The following PLA2R1 variants were observed in gnomAD, a reference collection of about 807,000 sequenced individuals.
The protein encoded by PLA2R1 is secretory phospholipase A2 receptor.
PLA2R1 carries 158 observed loss-of-function variants against 195.9 expected under a neutral mutation model. The observed-to-expected ratio is 0.81, with a 90% confidence interval of 0.71 to 0.92. The LOEUF is 0.92. Among genes scored for constraint, PLA2R1 ranks in the 40% least tolerant of loss-of-function variants. The probability of loss-of-function intolerance (pLI) is 0.00; values close to 1 mark genes in which losing one functional copy is unlikely to be tolerated. For synonymous variants in PLA2R1, 586 were observed against 598.2 expected, an observed-to-expected ratio of 0.98 and a Z score of 0.30; for missense variants, 1,626 against 1,764.6, an observed-to-expected ratio of 0.92 and a Z score of 1.41.
chr2:160,028,801 G>C, intron 5 of PLA2R1, 49 bp downstream of exon 5: 1 of 1,030,582 alleles, frequency 9.7e-7, no homozygotes, highest in East Asian at 2.4e-5. Flanking sequence ...GCTGTGTAAG[G>C]GTGCAAGATG....
Position 159,950,025 on chromosome 2 carries a change from G to A in PLA2R1, c.3541-249C>T, listed in dbSNP as rs74694005. 8.3e-3 allele frequency among the ~76,000 whole-genome samples: 1,271 copies of A among 152,234 alleles called. 12 individuals carry two copies. The highest frequency in any genetic ancestry group is 0.028 in the African/African-American group (1,170 of 41,528). On this transcript the variant is annotated intron_variant, in intron 24 of 29. Transcript: ENST00000283243. ...TCTAGTGAGCAATCGGCGTGAAATTGGACCAGTACCTTGTCTTTTACAGTG... is the reference window on the plus strand; with the variant it reads ...TCTAGTGAGCAATCGGCGTGAAATTAGACCAGTACCTTGTCTTTTACAGTG...
At position 160,028,294 on chromosome 2, in the gene PLA2R1, C is replaced by A; in HGVS notation, c.1023G>T (p.Trp341Cys). Residue 341 changes from tryptophan to cysteine, a missense_variant, in exon 6 of 30, where the codon TGG becomes TGT. By Grantham distance (215) the Trp-to-Cys change is radical. Transcript: ENST00000283243. Reference sequence around the variant, plus strand: ...AGGTGGACTCACAATCCCGACTCCTCCAGGCACTTGGCATAAATGAACTAA... The same window carrying A: ...AGGTGGACTCACAATCCCGACTCCTACAGGCACTTGGCATAAATGAACTAA... Reference protein sequence around the residue: ...GTFSSFMPSAWRSRDCESTLP... With the variant: ...GTFSSFMPSACRSRDCESTLP... The A allele has an allele frequency of 6.2e-7, 1 of 1,605,478 alleles. No homozygotes were observed. The highest frequency in any genetic ancestry group is 8.5e-7 in the Non-Finnish European group (1 of 1,172,832).
rs1243444015 is a variant in PLA2R1, at chr2:160,017,884, C to T, written c.1453-1172G>A. ...TTCATCTGTAAGAGGAGCCCTGCAT[C>T]GCTCCCCCATGGAGTCTTCCAGCAA... On this transcript the variant is annotated intron_variant, in intron 8 of 29. Transcript: ENST00000283243. 2.6e-5 allele frequency among the ~76,000 whole-genome samples: 4 copies of T among 152,122 alleles called. No homozygotes were observed. The South Asian group carries it at 6.2e-4, about 24-fold the overall frequency.
At chr2:159,986,298 T>C (rs567529703) in intron 12 of PLA2R1, among the ~76,000 whole-genome samples, 2 of 152,296 alleles carry the variant, frequency 1.3e-5, no homozygotes, top group South Asian at 2.1e-4. Flanking sequence ...GTAAGTGCGA[T>C]GCAAATATTA....
In PLA2R1 at chr2:159,979,885, A is replaced by T; in HGVS notation, c.2213T>A (p.Phe738Tyr). Residue 738 changes from phenylalanine (F) to tyrosine (Y), a missense_variant, in exon 14 of 30, where the codon TTT becomes TAT. Transcript: ENST00000283243. ...WTEERQFWIG[F>Y]NKRNPLNAGS... The stretch of plus-strand genomic sequence containing the variant: ...GGCATTCAGTGGGTTTCTTTTATTA[A>T]ATCCAATCCAGAACTGCCTTTCTTC... The T allele has an allele frequency of 6.2e-7, 1 of 1,607,388 alleles. No individual in the cohort carries two copies. The highest frequency in any genetic ancestry group is 8.5e-7 in the Non-Finnish European group (1 of 1,174,302).
intron 6 of PLA2R1, among the ~76,000 whole-genome samples, chr2:160,027,066 G>T (rs947076880): frequency 1.3e-5 from 2 of 152,318 alleles, no homozygotes; most frequent in Non-Finnish European, 2.9e-5. Context: ...GGAGGCGGAG[G>T]TTGCAGTGAG....
At chr2:159,952,750 C>T (rs1402886006) in intron 23 of PLA2R1, among the ~76,000 whole-genome samples, 1 of 152,192 alleles carries the variant, frequency 6.6e-6, no homozygotes, top group Non-Finnish European at 1.5e-5. Context: ...TGTATGGAGA[C>T]ACAGAAAGCA....
chr2:159,929,663 G>A (rs189485624), downstream of PLA2R1, among the ~76,000 whole-genome samples: 357 of 152,162 alleles, frequency 2.3e-3, 5 homozygotes, highest in Admixed American at 0.021. Flanking sequence ...TCTACCCAGA[G>A]GAAAAGATGA....
rs56240008 is a variant in PLA2R1 at position 159,935,945 on chromosome 2, A to ATTTTTTTTTTTTTTTTTTTTTTTTTTT, written c.*5832_*5833insAAAAAAAAAAAAAAAAAAAAAAAAAAA. ...GCAGTAAAAATATGTATATAAATTA[A>ATTTTTTTTTTTTTTTTTTTTTTTTTTT]TTTTTTTTTTTTTTTTTTTTTTTTG... On this transcript the variant is annotated 3_prime_UTR_variant, in exon 30 of 30. Transcript: ENST00000283243. 3.5e-4 allele frequency: 37 copies of ATTTTTTTTTTTTTTTTTTTTTTTTTTT among 107,210 alleles called. 2 individuals are homozygous for ATTTTTTTTTTTTTTTTTTTTTTTTTTT. The highest frequency in any genetic ancestry group is 8.7e-4 in the South Asian group (2 of 2,306). The allele number at this position is 107,210 out of a possible 1,614,324, so 6.6% of individuals were successfully genotyped here.
chr2:160,012,928 AT>A (rs759524390), intron 10 of PLA2R1, among the ~76,000 whole-genome samples: 22 of 152,314 alleles, frequency 1.4e-4, no homozygotes, highest in Non-Finnish European at 3.1e-4. Context: ...ATGAAAAAAA[AT>A]AAAATAAAAA....
At chr2:159,986,082 T>C (rs778901183) in intron 12 of PLA2R1, among the ~76,000 whole-genome samples, 3 of 152,094 alleles carry the variant, frequency 2.0e-5, no homozygotes, top group South Asian at 2.1e-4. Flanking sequence ...TTCCTGAGCC[T>C]TGGGGGAATG....
Position 160,062,540 on chromosome 2 carries a change from G to A in PLA2R1, c.-137C>T. ...CTCCTCCGCGCCCCACCCCCTCCGG[G>A]GGCCTTGCCAGCCCAGAGCCCTGGA... On this transcript the variant is annotated 5_prime_UTR_variant, in exon 1 of 30. Transcript: ENST00000283243. The A allele has an allele frequency of 1.4e-6, 2 of 1,380,826 alleles. No individual in the cohort carries two copies. Among genetic ancestry groups the A allele is most frequent in the Non-Finnish European group, 1.9e-6 (2 of 1,071,126 alleles). The allele number at this position is 1,380,826 out of a possible 1,614,324, so 85.5% of individuals were successfully genotyped here.
At chr2:159,949,237 G>A (rs1687575164) in intron 25 of PLA2R1, among the ~76,000 whole-genome samples, 1 of 151,916 alleles carries the variant, frequency 6.6e-6, no homozygotes, top group Non-Finnish European at 1.5e-5. Context: ...TCTTACGTAA[G>A]CCTCGTCCTG....
At chr2:160,039,449 A>C (rs1694386221) in intron 3 of PLA2R1, among the ~76,000 whole-genome samples, 1 of 152,178 alleles carries the variant, frequency 6.6e-6, no homozygotes, top group Non-Finnish European at 1.5e-5. Context: ...TGAATACTAC[A>C]TTTAAATTTT....
Position 159,979,829 on chromosome 2 carries a change from C to T in PLA2R1, c.2268+1G>A, listed in dbSNP as rs1174049177. The T allele has an allele frequency of 5.8e-6, 9 of 1,560,282 alleles. No homozygotes were observed. The highest frequency in any genetic ancestry group is 5.0e-5 in the Admixed American group (3 of 59,542). On this transcript the variant is annotated splice_donor_variant, in intron 14 of 29. Transcript: ENST00000283243. LOFTEE classifies it high-confidence loss of function. The stretch of plus-strand genomic sequence containing the variant: ...CTTTTCTCCAGTTTGAAAAGACTTA[C>T]AGGAGTTCTATCAGACCACTCCCAT...
chr2:160,010,406 T>TC (rs1424019566), intron 10 of PLA2R1, among the ~76,000 whole-genome samples: 1 of 152,184 alleles, frequency 6.6e-6, no homozygotes, highest in African/African-American at 2.4e-5. Context: ...CTGTTTTTCT[T>TC]CCCCTCTCTA....
At chr2:160,030,853 T>C (rs1206299978) in intron 4 of PLA2R1, among the ~76,000 whole-genome samples, 1 of 152,216 alleles carries the variant, frequency 6.6e-6, no homozygotes, top group African/African-American at 2.4e-5. Flanking sequence ...AGACTAATTA[T>C]AGAACTGAGG....
rs1694768389 is a variant in PLA2R1, at chr2:160,044,975, C to G, written c.292G>C (p.Glu98Gln). The G allele has an allele frequency of 1.9e-6, 3 of 1,613,976 alleles. No homozygotes were observed. The highest frequency in any genetic ancestry group is 1.7e-5 in the Admixed American group (1 of 60,006). Reference protein sequence around the residue: ...GCLGLNFSAPEQPLSLYECDS... With the variant: ...GCLGLNFSAPQQPLSLYECDS... ...CATTCATATAAGCTTAATGGCTGCTCTGGGGCGGAGAAATTCAGGCCCAGG... is the reference window on the plus strand; with the variant it reads ...CATTCATATAAGCTTAATGGCTGCTGTGGGGCGGAGAAATTCAGGCCCAGG... Residue 98 changes from glutamate to glutamine, a missense_variant, in exon 2 of 30, where the codon GAG becomes CAG. Glu to Gln is a conservative substitution (Grantham distance 29). Coordinates refer to ENST00000283243, the MANE Select transcript of PLA2R1 (RefSeq NM_007366.5).
chr2:160,040,069 G>A (rs1472819340), intron 3 of PLA2R1, among the ~76,000 whole-genome samples: 1 of 152,010 alleles, frequency 6.6e-6, no homozygotes, highest in African/African-American at 2.4e-5. Flanking sequence ...GGAAAAAGAA[G>A]AGATGATGCA....
Sources: allele counts gnomAD v4.1 joint callset (sites outside exome capture counted in the v4.1 genomes callset), GRCh38; gene constraint gnomAD v4.1.1; transcripts MANE v1.5; gene names NCBI Gene and HGNC (gene_info 2026-07-23, HGNC 2026-07-21).